The following MAGI1 variants were observed in gnomAD, a reference collection of about 807,000 sequenced individuals.
MAGI1 encodes the protein membrane-associated guanylate kinase, WW and PDZ domain-containing protein 1.
MAGI1 carries 58 observed loss-of-function variants against 139.9 expected under a neutral mutation model. The ratio of observed to expected loss-of-function variants is 0.41; its 90% CI spans 0.34 to 0.52. The LOEUF (loss-of-function observed/expected upper bound fraction) is 0.52, where lower values mean the gene tolerates loss of function less well. Among genes scored for constraint, MAGI1 ranks in the 20% least tolerant of loss-of-function variants. The pLI, the probability that MAGI1 is intolerant of heterozygous loss-of-function variation, is 0.12. For synonymous variants in MAGI1, 812 were observed against 737.9 expected (o/e 1.10, Z -1.63); for missense variants, 1,874 against 1,901.6 (o/e 0.99, Z 0.27).
Position 65,375,669 on chromosome 3 carries a change from G to T in MAGI1, c.3196+76C>A, listed in dbSNP as rs1559506155. 3 of 1,244,102 alleles carry T rather than the reference G, an allele frequency of 2.4e-6. No homozygotes were observed. In the African/African-American group the frequency reaches 4.5e-5, roughly 19 times the overall value. The allele number at this position is 1,244,102 out of a possible 1,614,324, so 77.1% of individuals were successfully genotyped here. A position where few individuals can be genotyped will look rare whatever the true frequency, so the allele number is the denominator to read the frequency against. On this transcript the variant is annotated intron_variant, in intron 18 of 22. Transcript: ENST00000402939. ...TACACGAACACTAATCAAAGAGAGA[G>T]AAAGAGAAAAGGAAAAGACAGAGAC...
chr3:65,413,778 C>A (rs749821128), intron 12 of MAGI1, among the ~76,000 whole-genome samples: 1 of 152,114 alleles, frequency 6.6e-6, no homozygotes, highest in Non-Finnish European at 1.5e-5. Flanking sequence ...CCCACATACA[C>A]CCCAACCCAC....
chr3:66,034,151 C>A (rs934363224), intron 1 of MAGI1, among the ~76,000 whole-genome samples: 4 of 151,944 alleles, frequency 2.6e-5, no homozygotes, highest in East Asian at 3.9e-4. Context: ...GTTACCCCAC[C>A]CCCCAACCCC....
At chr3:65,718,601 A>G (rs1355009379) in intron 1 of MAGI1, 2 of 152,196 alleles carry the variant, frequency 1.3e-5, no homozygotes, top group Non-Finnish European at 2.9e-5. Context: ...TCTGGTATAA[A>G]CAGCCGAAGT....
At chr3:65,733,866 T>A (rs1228423409) in intron 1 of MAGI1, among the ~76,000 whole-genome samples, 1 of 152,238 alleles carries the variant, frequency 6.6e-6, no homozygotes, top group East Asian at 1.9e-4. Context: ...TTCACATGTT[T>A]GTAGGAGGCC....
At chr3:65,959,079 T>C (rs1448901962) in intron 1 of MAGI1, among the ~76,000 whole-genome samples, 1 of 152,096 alleles carries the variant, frequency 6.6e-6, no homozygotes, top group Non-Finnish European at 1.5e-5. Flanking sequence ...AGCCAAAGCC[T>C]GAATGAGTTC....
At chr3:65,610,124 T>A (rs898306985) in intron 2 of MAGI1, among the ~76,000 whole-genome samples, 2 of 152,156 alleles carry the variant, frequency 1.3e-5, no homozygotes, top group African/African-American at 4.8e-5. Flanking sequence ...GATTTATAAA[T>A]GATCCACTCA....
chr3:65,376,547 A>G (rs1418007145), intron 17 of MAGI1, among the ~76,000 whole-genome samples: 1 of 152,216 alleles, frequency 6.6e-6, no homozygotes, highest in Non-Finnish European at 1.5e-5. Context: ...CTTTAGAAAA[A>G]GGGTGTAATT....
rs1349308682 is a variant in MAGI1 at position 65,693,033 on chromosome 3, G to A, written c.314-70945C>T. On this transcript the variant is annotated intron_variant, in intron 1 of 22. Coordinates refer to ENST00000402939, the MANE Select transcript of MAGI1 (RefSeq NM_001033057.2). ...TGCAGCCTTGACTTCCTGGGCTCAA[G>A]TGATCCTCCCACCTCAGCCACTTGA... 3.9e-5 allele frequency among the ~76,000 whole-genome samples: 6 copies of A among 152,236 alleles called. No individual in the cohort carries two copies. In the East Asian group the frequency reaches 1.2e-3, roughly 29 times the overall value.
chr3:65,497,415 C>T (rs1029789496), intron 2 of MAGI1, among the ~76,000 whole-genome samples: 1 of 152,122 alleles, frequency 6.6e-6, no homozygotes, highest in African/African-American at 2.4e-5. Flanking sequence ...CAGCCAGCTA[C>T]CTCTAAAACA....
Position 65,784,703 on chromosome 3 carries a change from T to TCAA in MAGI1, c.314-162618_314-162616dup, listed in dbSNP as rs148824542. On this transcript the variant is annotated intron_variant, in intron 1 of 22. Transcript: ENST00000402939. ...CTGGGCGACAGAGCGAGACTCCGTC[T>TCAA]CAACAACAACAACAACAACAACAAA... Among the ~76,000 whole-genome samples, 181 of 149,488 alleles carry TCAA rather than the reference T, an allele frequency of 1.2e-3. 1 individual carries two copies. Among genetic ancestry groups the TCAA allele is most frequent in the African/African-American group, 2.8e-3 (115 of 40,588 alleles).
At chr3:65,591,711 A>C (rs972748677) in intron 2 of MAGI1, among the ~76,000 whole-genome samples, 1 of 152,072 alleles carries the variant, frequency 6.6e-6, no homozygotes, top group Admixed American at 6.6e-5. Context: ...CCATAGTTCT[A>C]ACCCTTGTTC....
At chr3:65,804,713 G>A (rs539771444) in intron 1 of MAGI1, among the ~76,000 whole-genome samples, 2 of 152,028 alleles carry the variant, frequency 1.3e-5, no homozygotes, top group South Asian at 2.1e-4. Flanking sequence ...TAATCAAAAC[G>A]GCATGGCACT....
chr3:65,679,796 T>C (rs1458869319), intron 1 of MAGI1, among the ~76,000 whole-genome samples: 1 of 152,162 alleles, frequency 6.6e-6, no homozygotes, highest in Non-Finnish European at 1.5e-5. Context: ...TGTTGCTGGT[T>C]TGCAAATTAT....
At chr3:65,357,530 C>T (rs560775349) in intron 22 of MAGI1, among the ~76,000 whole-genome samples, 177 of 151,318 alleles carry the variant, frequency 1.2e-3, no homozygotes, top group Admixed American at 5.0e-3. Context: ...ACCCGTCTCC[C>T]ACACCCAAGA....
At chr3:65,734,176 T>C (rs1166489826) in intron 1 of MAGI1, among the ~76,000 whole-genome samples, 1 of 152,158 alleles carries the variant, frequency 6.6e-6, no homozygotes, top group Admixed American at 6.5e-5. Context: ...TTATCTTGAC[T>C]GGGTGCAGTG....
At chr3:65,895,689 T>G (rs867457077) in intron 1 of MAGI1, among the ~76,000 whole-genome samples, 23 of 152,328 alleles carry the variant, frequency 1.5e-4, no homozygotes, top group Non-Finnish European at 7.3e-5. Flanking sequence ...ATCAAAGTCA[T>G]TGAGATGATG....
intron 1 of MAGI1, among the ~76,000 whole-genome samples, chr3:65,997,108 C>T (rs1211099651): frequency 6.6e-6 from 1 of 152,108 alleles, no homozygotes; most frequent in African/African-American, 2.4e-5. Context: ...TTACATTCCC[C>T]AGGGAATGGT....
intron 2 of MAGI1, among the ~76,000 whole-genome samples, chr3:65,611,627 G>GTA (rs58163149): frequency 1.3e-4 from 17 of 134,788 alleles, no homozygotes; most frequent in Admixed American, 1.5e-4. Context: ...AGTATATACA[G>GTA]TATATATATA....
Position 66,018,463 on chromosome 3 carries a change from T to C in MAGI1, c.313+19533A>G, listed in dbSNP as rs533281658. Among the ~76,000 whole-genome samples the C allele has an allele frequency of 2.0e-3, 297 of 150,034 alleles. 5 individuals carry two copies. The highest frequency in any genetic ancestry group is 7.0e-3 in the African/African-American group (284 of 40,668). On this transcript the variant is annotated intron_variant, in intron 1 of 22. Coordinates refer to ENST00000402939, the MANE Select transcript of MAGI1 (RefSeq NM_001033057.2). ...CCAGCCAGGCACAAAGAGCCAGGCATTTTTTTTTTAATAGATGCAGAAACT... is the reference window on the plus strand; with the variant it reads ...CCAGCCAGGCACAAAGAGCCAGGCACTTTTTTTTTAATAGATGCAGAAACT...
Sources: gnomAD v4.1 joint callset for allele counts (sites outside exome capture counted in the v4.1 genomes callset) on GRCh38, gnomAD v4.1.1 for gene constraint, MANE v1.5 for transcripts, NCBI Gene and HGNC (gene_info 2026-07-23, HGNC 2026-07-21) for gene names.